FNDC3B: variants seen among roughly 807,000 people sequenced by gnomAD.
FNDC3B encodes fibronectin type III domain containing 3B, also known as fibronectin type III domain-containing protein 3B.
A neutral mutation model predicts 151.5 loss-of-function variants in FNDC3B; 12 were observed. That is an observed-to-expected ratio of 0.08 (90% CI 0.05 to 0.13). FNDC3B has a LOEUF of 0.13. Ranked by LOEUF, FNDC3B falls within the 10% of genes least tolerant of loss-of-function variation. FNDC3B has a pLI of 1.00. For missense variants in FNDC3B, 1,214 were observed against 1,505.3 expected (o/e 0.81, Z 3.20); for synonymous variants, 528 against 549.0 (o/e 0.96, Z 0.54).
At chr3:172,077,179 A>T (rs1013681143) in intron 1 of FNDC3B, among the ~76,000 whole-genome samples, 8 of 152,224 alleles carry the variant, frequency 5.3e-5, no homozygotes, top group Admixed American at 6.5e-5. Flanking sequence ...AGTGTTTATA[A>T]TAAGTTGAAT....
chr3:172,134,439 G>A (rs1259575527), intron 3 of FNDC3B: 2 of 513,484 alleles, frequency 3.9e-6, no homozygotes, highest in African/African-American at 3.9e-5. Context: ...GCATGCAATT[G>A]AGATCAGTAT....
chr3:172,048,054 A>G (rs1271786470), intron 1 of FNDC3B, among the ~76,000 whole-genome samples: 1 of 152,196 alleles, frequency 6.6e-6, no homozygotes. Context: ...TGGGCAGCTT[A>G]GTTCCAGGTA....
Position 172,040,884 on chromosome 3 carries a change from G to C in FNDC3B, c.-29+1113G>C, listed in dbSNP as rs1353725945. Among the ~76,000 whole-genome samples the C allele has an allele frequency of 1.3e-5, 2 of 152,152 alleles. No homozygotes were observed. The highest frequency in any genetic ancestry group is 4.8e-5 in the African/African-American group (2 of 41,448). ...GCCCGCCGTCTCGGGAGACTGGGCT[G>C]CGCCGCCCGGCGGCGCCTTTGGCGG... On this transcript the variant is annotated intron_variant, in intron 1 of 25. Transcript: ENST00000415807. The surrounding 1 kb of genome is among the most constrained non-coding windows in gnomAD (Gnocchi z 6.6).
intron 23 of FNDC3B, among the ~76,000 whole-genome samples, chr3:172,368,624 C>T (rs534654708): frequency 1.7e-4 from 26 of 152,284 alleles, no homozygotes; most frequent in Non-Finnish European, 3.1e-4. Flanking sequence ...GAGGCATATC[C>T]CTTCACTTCT....
chr3:172,084,470 T>TACAC (rs774135456), intron 1 of FNDC3B, among the ~76,000 whole-genome samples: 1 of 46,568 alleles, frequency 2.1e-5, no homozygotes, highest in East Asian at 4.7e-4. Flanking sequence ...TATGTATATG[T>TACAC]ATACACACAC....
chr3:172,171,102 G>T (rs1723257282), intron 3 of FNDC3B, among the ~76,000 whole-genome samples: 1 of 152,174 alleles, frequency 6.6e-6, no homozygotes, highest in African/African-American at 2.4e-5. Context: ...GAGCTGAGAG[G>T]AGAAGCCTAC....
intron 25 of FNDC3B, among the ~76,000 whole-genome samples, chr3:172,393,708 A>G (rs1736133112): frequency 6.6e-6 from 1 of 152,232 alleles, no homozygotes; most frequent in Non-Finnish European, 1.5e-5. Flanking sequence ...AAATTCACGA[A>G]TACATGGAAA....
At chr3:172,157,462 T>C (rs564424056) in intron 3 of FNDC3B, among the ~76,000 whole-genome samples, 1 of 152,308 alleles carries the variant, frequency 6.6e-6, no homozygotes, top group East Asian at 1.9e-4. Flanking sequence ...CGGAACTCAT[T>C]CAGATTTGTA....
intron 2 of FNDC3B, 78 bp downstream of exon 2, chr3:172,112,668 A>T: frequency 9.8e-7 from 1 of 1,023,372 alleles, no homozygotes; most frequent in South Asian, 1.3e-5. Context: ...TTATTTTGGG[A>T]TTCAAAGGTT....
At chr3:172,101,451 G>C (rs943803311) in intron 1 of FNDC3B, among the ~76,000 whole-genome samples, 8 of 152,190 alleles carry the variant, frequency 5.3e-5, no homozygotes, top group African/African-American at 1.9e-4. Context: ...CCACCACAAA[G>C]TGGGTACACA....
intron 19 of FNDC3B, among the ~76,000 whole-genome samples, chr3:172,345,298 A>G (rs560443345): frequency 1.3e-5 from 2 of 152,310 alleles, no homozygotes; most frequent in South Asian, 4.1e-4. Flanking sequence ...AAGAAGATGG[A>G]TAGTGATGAG....
At chr3:172,348,999 T>G (rs186935171) in intron 21 of FNDC3B, among the ~76,000 whole-genome samples, 3 of 152,220 alleles carry the variant, frequency 2.0e-5, no homozygotes, top group Non-Finnish European at 4.4e-5. Context: ...CACTTAAGAA[T>G]TTAAATATTG....
intron 3 of FNDC3B, among the ~76,000 whole-genome samples, chr3:172,170,490 C>T (rs1303724627): frequency 6.6e-6 from 1 of 152,214 alleles, no homozygotes; most frequent in Non-Finnish European, 1.5e-5. Context: ...TGAATTATTT[C>T]GTACATCCCT....
At chr3:172,278,300 C>T (rs1729534388) in intron 6 of FNDC3B, among the ~76,000 whole-genome samples, 1 of 151,340 alleles carries the variant, frequency 6.6e-6, no homozygotes, top group African/African-American at 2.4e-5. Context: ...TTTGTGGAAA[C>T]GTTTGTAGAC....
intron 1 of FNDC3B, among the ~76,000 whole-genome samples, chr3:172,068,530 TCTC>T (rs1031543889): frequency 6.7e-5 from 10 of 150,236 alleles, no homozygotes; most frequent in Admixed American, 1.3e-4. Flanking sequence ...TTCAAGCAAT[TCTC>T]CTGCCTCAGC....
At chr3:172,213,979 A>T (rs544736063) in intron 3 of FNDC3B, among the ~76,000 whole-genome samples, 1 of 139,892 alleles carries the variant, frequency 7.1e-6, no homozygotes, top group Middle Eastern at 3.3e-3. Flanking sequence ...TGTGGAGGCA[A>T]TGTGCCAAAA....
At chr3:172,327,405 C>T (rs767962982) in intron 11 of FNDC3B, among the ~76,000 whole-genome samples, 5 of 149,914 alleles carry the variant, frequency 3.3e-5, no homozygotes, top group African/African-American at 7.4e-5. Context: ...TTTTGGGGGG[C>T]GGGGCGGGGC....
chr3:172,262,330 A>G (rs1028193572), intron 6 of FNDC3B, among the ~76,000 whole-genome samples: 10 of 152,208 alleles, frequency 6.6e-5, no homozygotes, highest in African/African-American at 2.4e-4. Context: ...TCCACTTGGA[A>G]CAAATCTCCA....
At chr3:172,381,866 A>G (rs1735458117) in intron 25 of FNDC3B, among the ~76,000 whole-genome samples, 1 of 152,158 alleles carries the variant, frequency 6.6e-6, no homozygotes, top group African/African-American at 2.4e-5. Flanking sequence ...TATCCAGTCT[A>G]ACATTGATGG....
Sources: allele counts gnomAD v4.1 joint callset (sites outside exome capture counted in the v4.1 genomes callset), GRCh38; gene constraint gnomAD v4.1.1; non-coding constraint Gnocchi (gnomAD v3.1); transcripts MANE v1.5; gene names NCBI Gene and HGNC (gene_info 2026-07-23, HGNC 2026-07-21).